Variants in VRK2 observed in about 807,000 individuals in gnomAD.
The protein encoded by VRK2 is serine/threonine-protein kinase VRK2.
Under a neutral mutation model 57.6 loss-of-function variants are expected in VRK2, and 60 were observed. The observed-to-expected ratio is 1.04, with a 90% confidence interval of 0.85 to 1.29. The LOEUF is 1.29. VRK2 is among the 50% of genes most tolerant of loss of function. The pLI is 0.00. For synonymous variants in VRK2, 231 were observed against 199.2 expected, an observed-to-expected ratio of 1.16 and a Z score of -1.35; for missense variants, 705 against 588.1, an observed-to-expected ratio of 1.20 and a Z score of -2.06.
chr2:58,040,896 G>C (rs1290197011), intron 3 of VRK2, among the ~76,000 whole-genome samples: 1 of 152,188 alleles, frequency 6.6e-6, no homozygotes, highest in African/African-American at 2.4e-5. Flanking sequence ...TGCATGAAAG[G>C]TAAGCCTAAA....
At chr2:58,113,613 C>G (rs1015905611) in intron 7 of VRK2, among the ~76,000 whole-genome samples, 1 of 152,010 alleles carries the variant, frequency 6.6e-6, no homozygotes, top group African/African-American at 2.4e-5. Context: ...GGGGGTTGTT[C>G]TCTGGTGGGC....
chr2:58,155,889 T>C (rs959977596), intron 12 of VRK2, among the ~76,000 whole-genome samples: 2 of 151,450 alleles, frequency 1.3e-5, no homozygotes, highest in Non-Finnish European at 2.9e-5. Context: ...CCCCCAGGGC[T>C]ATTGGTTACA....
chr2:58,051,097 G>A (rs991728336), intron 2 of VRK2, among the ~76,000 whole-genome samples: 1 of 152,066 alleles, frequency 6.6e-6, no homozygotes, highest in African/African-American at 2.4e-5. Flanking sequence ...TGCCCACCTC[G>A]GCCTCCCGAA....
At chr2:58,134,467 C>T (rs1412641942) in intron 9 of VRK2, among the ~76,000 whole-genome samples, 5 of 151,466 alleles carry the variant, frequency 3.3e-5, no homozygotes, top group East Asian at 1.9e-4. Context: ...AAAAATTAGC[C>T]GGGCGCGGTG....
At chr2:57,968,754 G>A (rs1298591960) in intron 1 of VRK2, among the ~76,000 whole-genome samples, 1 of 152,052 alleles carries the variant, frequency 6.6e-6, no homozygotes, top group Non-Finnish European at 1.5e-5. Context: ...CTGGCAGTGA[G>A]TATTGATATT....
chr2:58,156,032 A>G (rs1683782569), intron 12 of VRK2, among the ~76,000 whole-genome samples: 1 of 151,790 alleles, frequency 6.6e-6, no homozygotes, highest in Non-Finnish European at 1.5e-5. Context: ...TGGAGACTCA[A>G]GGGAGGGTCA....
At chr2:57,933,797 T>C (rs1670817572) in intron 1 of VRK2, among the ~76,000 whole-genome samples, 1 of 152,190 alleles carries the variant, frequency 6.6e-6, no homozygotes. Context: ...GTTTTGAAGA[T>C]TCTTTGTTTC....
At chr2:58,056,160 T>G (rs1048141283) in intron 2 of VRK2, among the ~76,000 whole-genome samples, 2 of 152,154 alleles carry the variant, frequency 1.3e-5, no homozygotes, top group African/African-American at 2.4e-5. Flanking sequence ...CTCTAAAATT[T>G]ACAGGAATGC....
intron 2 of VRK2, among the ~76,000 whole-genome samples, chr2:58,026,030 T>C (rs1254451580): frequency 2.0e-5 from 3 of 152,174 alleles, no homozygotes; most frequent in African/African-American, 7.2e-5. Context: ...AACTATGTGT[T>C]AATGAAATGA....
At chr2:58,148,890 A>G (rs947282083) in intron 12 of VRK2, among the ~76,000 whole-genome samples, 12 of 151,786 alleles carry the variant, frequency 7.9e-5, no homozygotes, top group African/African-American at 2.7e-4. Context: ...CACTGCATCA[A>G]TTACTGTCGC....
chr2:58,046,389 T>C, upstream of VRK2: 1 of 687,726 alleles, frequency 1.5e-6, no homozygotes, highest in South Asian at 6.5e-5. Context: ...CTAACTGGAG[T>C]CTTCGCTAGT....
At chr2:58,009,328 G>A (rs1673349146) in intron 1 of VRK2, among the ~76,000 whole-genome samples, 1 of 151,788 alleles carries the variant, frequency 6.6e-6, no homozygotes, top group Non-Finnish European at 1.5e-5. Context: ...AAATAAACTA[G>A]TGTCTGAGAA....
intron 2 of VRK2, among the ~76,000 whole-genome samples, chr2:58,073,757 G>A (rs1026262446): frequency 6.6e-6 from 1 of 151,506 alleles, no homozygotes; most frequent in Admixed American, 6.6e-5. Flanking sequence ...GCAAACTGAG[G>A]AGCAAGGAAA....
intron 1 of VRK2, among the ~76,000 whole-genome samples, chr2:57,974,541 T>C (rs1054189957): frequency 3.3e-5 from 5 of 151,736 alleles, no homozygotes; most frequent in Non-Finnish European, 7.4e-5. Context: ...TCTAGTCTCA[T>C]AAAAATAGGA....
intron 7 of VRK2, among the ~76,000 whole-genome samples, chr2:58,104,526 C>A (rs1487896032): frequency 6.6e-6 from 1 of 151,724 alleles, no homozygotes; most frequent in Non-Finnish European, 1.5e-5. Context: ...AAGATCTCTA[C>A]AAGGAAAACT....
At chr2:58,079,663 C>A (rs999106786) in intron 2 of VRK2, among the ~76,000 whole-genome samples, 2 of 151,950 alleles carry the variant, frequency 1.3e-5, no homozygotes, top group Middle Eastern at 3.2e-3. Flanking sequence ...TGATTACTTT[C>A]AATGGCAAAA....
At chr2:58,093,187 G>C (rs1424605375) in intron 7 of VRK2, among the ~76,000 whole-genome samples, 1 of 152,194 alleles carries the variant, frequency 6.6e-6, no homozygotes, top group African/African-American at 2.4e-5. Context: ...CCAGTAATGG[G>C]ATGGCTGGGT....
intron 2 of VRK2, among the ~76,000 whole-genome samples, chr2:58,060,658 A>G (rs561535922): frequency 2.1e-4 from 32 of 152,066 alleles, no homozygotes; most frequent in African/African-American, 7.5e-4. Context: ...AAAGACCATA[A>G]TGAAAAACGT....
rs1434241216 is a variant in VRK2 at position 58,139,725 on chromosome 2, T to A, written c.916T>A (p.Tyr306Asn). ...TTTAGCATATGATGAAAAGCCAAAC[T>A]ATCAAGCCCTCAAGAAAATTTTGAA... ...HSLAYDEKPNYQALKKILNPH... is the reference protein window; with the variant it reads ...HSLAYDEKPNNQALKKILNPH... Residue 306 changes from tyrosine to asparagine, a missense_variant, in exon 11 of 13, where the codon TAT (tyrosine) becomes AAT (asparagine). By Grantham distance (143) the Tyr-to-Asn change is moderately radical. Coordinates refer to ENST00000340157, the MANE Select transcript of VRK2 (RefSeq NM_006296.7). 6.2e-7 allele frequency: 1 copy of A among 1,613,222 alleles called. No individual in the cohort carries two copies. Among genetic ancestry groups the A allele is most frequent in the South Asian group, 1.1e-5 (1 of 91,052 alleles).
Sources: allele counts gnomAD v4.1 joint callset (sites outside exome capture counted in the v4.1 genomes callset), GRCh38; gene constraint gnomAD v4.1.1; transcripts MANE v1.5; gene names NCBI Gene and HGNC (gene_info 2026-07-23, HGNC 2026-07-21).